Variants in CD83 observed in about 807,000 individuals in gnomAD.
CD83 encodes CD83 antigen.
In CD83, 22 loss-of-function variants were observed where a neutral mutation model predicts 24.6. That is an observed-to-expected ratio of 0.90 (90% CI 0.64 to 1.28). The LOEUF (loss-of-function observed/expected upper bound fraction) is 1.28. CD83 is among the 50% of genes most tolerant of loss of function. The pLI, the probability that CD83 is intolerant of heterozygous loss-of-function variation, is 0.00. For missense variants in CD83, 253 were observed against 252.8 expected (o/e 1.00, Z -0.01); for synonymous variants, 101 against 103.5 (o/e 0.98, Z 0.14).
intron 2 of CD83, among the ~76,000 whole-genome samples, chr6:14,125,903 C>T (rs997783576): frequency 4.6e-5 from 7 of 152,170 alleles, no homozygotes; most frequent in African/African-American, 1.2e-4. Context: ...CCAGAGGAGA[C>T]GGGAAGTGTC....
chr6:14,121,926 A>G (rs1369078736), intron 2 of CD83, among the ~76,000 whole-genome samples: 1 of 152,158 alleles, frequency 6.6e-6, no homozygotes, highest in East Asian at 1.9e-4. Flanking sequence ...TAAAGATAGT[A>G]ATGAGTGATC....
At chr6:14,131,453 G>T (rs1256592463) in intron 2 of CD83, 67 bp from the exon 3 acceptor site, 3 of 1,164,036 alleles carry the variant, frequency 2.6e-6, no homozygotes, top group Non-Finnish European at 3.8e-6. Flanking sequence ...AAAACAAAAT[G>T]GAAACATTGG....
chr6:14,118,136 A>C (rs2113382259), intron 2 of CD83, 71 bp downstream of exon 2: 1 of 1,148,822 alleles, frequency 8.7e-7, no homozygotes, highest in East Asian at 2.9e-5. Context: ...CATCTCCCCT[A>C]GGCTGGCGAC....
At position 14,117,859 on chromosome 6, in the gene CD83, C is replaced by G. The variant is rs751798123; in HGVS notation, c.37+11C>G. 2 of 1,574,804 alleles carry G rather than the reference C, an allele frequency of 1.3e-6. No homozygotes were observed. The highest frequency in any genetic ancestry group is 1.7e-6 in the Non-Finnish European group (2 of 1,167,900). ...TGCTCCTGAGCTGCGGTAGGGCTCG[C>G]GAGCGCCTGTCTCGCCTGTCGCCCC... On this transcript the variant is annotated intron_variant, in intron 1 of 4. Transcript: ENST00000379153. The surrounding 1 kb of genome is among the most constrained non-coding windows in gnomAD (Gnocchi z 4.6).
intron 2 of CD83, among the ~76,000 whole-genome samples, chr6:14,126,121 C>T (rs1759804487): frequency 6.6e-6 from 1 of 152,218 alleles, no homozygotes; most frequent in Admixed American, 6.5e-5. Context: ...CCAGCTAACA[C>T]ATGGAGAAAC....
At chr6:14,118,419 A>G (rs1333746676) in intron 2 of CD83, among the ~76,000 whole-genome samples, 4 of 152,214 alleles carry the variant, frequency 2.6e-5, no homozygotes, top group Admixed American at 1.3e-4. Context: ...AGAAAGCAAC[A>G]GGGACCTAGA....
At chr6:14,128,039 C>G (rs1198973202) in intron 2 of CD83, among the ~76,000 whole-genome samples, 4 of 152,172 alleles carry the variant, frequency 2.6e-5, no homozygotes, top group African/African-American at 4.8e-5. Flanking sequence ...AATGGTTTTG[C>G]AGAGAAGCAA....
chr6:14,123,853 C>G (rs1188760819), intron 2 of CD83, among the ~76,000 whole-genome samples: 1 of 150,872 alleles, frequency 6.6e-6, no homozygotes, highest in Non-Finnish European at 1.5e-5. Flanking sequence ...TAGCTACGTA[C>G]TTGGCAATGT....
chr6:14,118,345 G>A (rs956120191), intron 2 of CD83, among the ~76,000 whole-genome samples: 43 of 4,240 alleles, frequency 0.01, 1 homozygote, highest in Admixed American at 0.023. Flanking sequence ...GTTTTGGAAG[G>A]GCAGAGACTC....
chr6:14,120,250 A>T (rs116698584), intron 2 of CD83, among the ~76,000 whole-genome samples: 67 of 152,276 alleles, frequency 4.4e-4, no homozygotes, highest in African/African-American at 1.5e-3. Flanking sequence ...CATTTTTTTT[A>T]AAACAGCTCT....
intron 3 of CD83, among the ~76,000 whole-genome samples, 199 bp from the exon 4 acceptor site, chr6:14,133,450 G>A (rs1312739711): frequency 6.6e-6 from 1 of 152,178 alleles, no homozygotes. Flanking sequence ...TGTGAGAGTC[G>A]CATGCAGCCA....
At chr6:14,121,090 A>G (rs1414787519) in intron 2 of CD83, among the ~76,000 whole-genome samples, 1 of 152,186 alleles carries the variant, frequency 6.6e-6, no homozygotes. Flanking sequence ...CCTCCCTTAT[A>G]CTTTTTAAGG....
intron 4 of CD83, among the ~76,000 whole-genome samples, chr6:14,134,649 C>T (rs977785256): frequency 1.3e-5 from 2 of 152,234 alleles, no homozygotes; most frequent in African/African-American, 2.4e-5. Context: ...CAATCAGAGA[C>T]TCCAGTGAGC....
At chr6:14,123,801 A>T (rs540028304) in intron 2 of CD83, among the ~76,000 whole-genome samples, 137 of 151,570 alleles carry the variant, frequency 9.0e-4, no homozygotes, top group African/African-American at 3.0e-3. Context: ...GTTTTCCATT[A>T]ATAAAAGGGG....
chr6:14,133,505 TGTC>T (rs1227038361), intron 3 of CD83, 141 bp from the exon 4 acceptor site: 5 of 613,610 alleles, frequency 8.1e-6, no homozygotes, highest in Non-Finnish European at 1.5e-5. Flanking sequence ...TCACCTTCAC[TGTC>T]ACTGTTACTG....
intron 2 of CD83, among the ~76,000 whole-genome samples, chr6:14,121,772 A>G (rs896374015): frequency 6.6e-6 from 1 of 152,210 alleles, no homozygotes; most frequent in African/African-American, 2.4e-5. Context: ...GCACAATATC[A>G]TGTCTGTGAG....
At chr6:14,125,725 A>G (rs867333498) in intron 2 of CD83, among the ~76,000 whole-genome samples, 17 of 152,224 alleles carry the variant, frequency 1.1e-4, no homozygotes, top group African/African-American at 4.1e-4. Context: ...TGGCATGAAC[A>G]ATGAAGGGTC....
chr6:14,122,168 A>C (rs1759685580), intron 2 of CD83, among the ~76,000 whole-genome samples: 5 of 152,314 alleles, frequency 3.3e-5, no homozygotes, highest in Admixed American at 3.3e-4. Context: ...AGACTTTATA[A>C]TATTGAGAAG....
intron 2 of CD83, among the ~76,000 whole-genome samples, chr6:14,120,576 G>A (rs772897092): frequency 1.3e-5 from 2 of 152,102 alleles, no homozygotes; most frequent in Non-Finnish European, 2.9e-5. Flanking sequence ...CTTAGGAGGG[G>A]GCTTCATACT....
Sources: gnomAD v4.1 joint callset for allele counts (sites outside exome capture counted in the v4.1 genomes callset) on GRCh38, gnomAD v4.1.1 for gene constraint, Gnocchi (gnomAD v3.1) non-coding constraint, MANE v1.5 for transcripts, NCBI Gene and HGNC (gene_info 2026-07-23, HGNC 2026-07-21) for gene names.